MYH11: variants seen among roughly 807,000 people sequenced by gnomAD.
The protein encoded by MYH11 is myosin-11.
MYH11 carries 80 observed loss-of-function variants against 246.6 expected under a neutral mutation model. The ratio of observed to expected loss-of-function variants is 0.32; its 90% confidence interval spans 0.27 to 0.39. The LOEUF is 0.39. MYH11 is among the 10% of genes least tolerant of loss of function. The pLI, the probability that MYH11 is intolerant of heterozygous loss-of-function variation, is 1.00. For synonymous variants in MYH11, 1,071 were observed against 1,015.5 expected (o/e 1.05, Z -1.04); for missense variants, 2,158 against 2,546.8 (o/e 0.85, Z 3.29).
chr16:15,754,751 A>G (rs776457586), intron 14 of MYH11, among the ~76,000 whole-genome samples: 4 of 152,202 alleles, frequency 2.6e-5, no homozygotes, highest in Non-Finnish European at 4.4e-5. Flanking sequence ...GCAACCTCCA[A>G]CTTCCTGGGT....
intron 14 of MYH11, among the ~76,000 whole-genome samples, chr16:15,755,411 G>A (rs2041685250): frequency 6.6e-6 from 1 of 152,224 alleles, no homozygotes; most frequent in Non-Finnish European, 1.5e-5. Flanking sequence ...GAAGCCAGGT[G>A]TGGATGTATT....
intron 5 of MYH11, chr16:15,786,414 C>T (rs1411566555): frequency 4.0e-6 from 3 of 752,128 alleles, no homozygotes; most frequent in Non-Finnish European, 7.3e-6. Context: ...ACAAAACGGG[C>T]CCCCTTCTGG....
intron 2 of MYH11, among the ~76,000 whole-genome samples, chr16:15,825,452 G>A (rs1322723281): frequency 1.3e-5 from 2 of 151,842 alleles, no homozygotes; most frequent in African/African-American, 2.4e-5. Flanking sequence ...AGCTACTTGG[G>A]AGGCTGAGTC....
chr16:15,782,370 G>C lies in MYH11; in HGVS notation c.726+15C>G. ...CAAAGCTTTTCTGGAAAATCCATGT[G>C]GCTTTGCTACTTACGAATCGTGAGG... On this transcript the variant is annotated intron_variant, in intron 6 of 40. Transcript: ENST00000300036. The C allele has an allele frequency of 1.2e-6, 2 of 1,610,682 alleles. No homozygotes were observed. Among genetic ancestry groups the C allele is most frequent in the Non-Finnish European group, 1.7e-6 (2 of 1,176,924 alleles).
At chr16:15,850,472 C>T (rs148369192) in intron 1 of MYH11, among the ~76,000 whole-genome samples, 1 of 152,128 alleles carries the variant, frequency 6.6e-6, no homozygotes, top group Non-Finnish European at 1.5e-5. Context: ...TCAACAGCTT[C>T]CCTCAGGATT....
Position 15,717,200 on chromosome 16 carries a change from G to T in MYH11, c.5444C>A (p.Thr1815Asn). Residue 1815 changes from threonine (T) to asparagine (N), a missense_variant, in exon 38 of 41, where the codon ACC (threonine) becomes AAC (asparagine). Transcript: ENST00000300036. ...EGAVKSKFKS[T>N]IAALEAKIAQ... ...AATCTTGGCCTCCAGCGCCGCGATG[G>T]TGGACTTGAACTTGGACTTGACGGC... 6.2e-7 allele frequency: 1 copy of T among 1,614,206 alleles called. No individual in the cohort carries two copies.
At chr16:15,763,524 T>A (rs2041913253) in intron 10 of MYH11, among the ~76,000 whole-genome samples, 1 of 152,074 alleles carries the variant, frequency 6.6e-6, no homozygotes, top group Non-Finnish European at 1.5e-5. Flanking sequence ...CTCGTCTCTA[T>A]TAAAACTTGT....
chr16:15,717,313 G>T lies in MYH11; in HGVS notation c.5331C>A (p.Arg1777=). The change falls in exon 38 of 41, where the codon CGC becomes CGA. Residue 1777 remains arginine, a synonymous_variant. Coordinates refer to ENST00000300036, the MANE Select transcript of MYH11 (RefSeq NM_002474.3). Reference sequence around the variant, plus strand: ...CACTCTCATTCTTCTGGGCCGTGCTGCGCTCTGTGGCCAGCTCGTTGCTGA... The same window carrying T: ...CACTCTCATTCTTCTGGGCCGTGCTTCGCTCTGTGGCCAGCTCGTTGCTGA... ...EQLSNELATE[R]STAQKNESAR... is the part of the protein sequence containing the mutation. The T allele has an allele frequency of 6.2e-7, 1 of 1,611,334 alleles. No individual in the cohort carries two copies. The highest frequency in any genetic ancestry group is 1.1e-5 in the South Asian group (1 of 91,086).
chr16:15,717,854 C>T lies in MYH11; in HGVS notation c.5295+461G>A, dbSNP rs144062167. 1,777 of 264,696 alleles carry T rather than the reference C, an allele frequency of 6.7e-3. 14 individuals carry two copies. Among genetic ancestry groups the T allele is most frequent in the Non-Finnish European group, 7.6e-3 (1,037 of 136,444 alleles). 16.4% of individuals were successfully genotyped at this position (264,696 alleles called of 1,614,324 possible). On this transcript the variant is annotated intron_variant, in intron 37 of 40. Transcript: ENST00000300036. The stretch of plus-strand genomic sequence containing the variant: ...ACCCAGGCTGAGCGAGTGACTTGTC[C>T]CTTGCTTTCTCTGTCCTGGAGTCGC...
At chr16:15,711,665 G>A (rs1014754769) in intron 40 of MYH11, among the ~76,000 whole-genome samples, 1 of 152,094 alleles carries the variant, frequency 6.6e-6, no homozygotes, top group Non-Finnish European at 1.5e-5. Context: ...AGGGATAAAG[G>A]TTCACTCTGC....
At chr16:15,720,129 C>T (rs1381701807) in intron 34 of MYH11, 22 bp downstream of exon 34, 2 of 1,614,130 alleles carry the variant, frequency 1.2e-6, no homozygotes, top group South Asian at 2.2e-5. Flanking sequence ...CACCCATGCC[C>T]CAAGCTCCTA....
intron 34 of MYH11, 100 bp downstream of exon 34, chr16:15,720,051 G>A (rs1173335354): frequency 2.7e-6 from 4 of 1,500,030 alleles, no homozygotes; most frequent in Middle Eastern, 1.7e-4. Context: ...CCAATGGCAG[G>A]TGCAGGCTTG....
chr16:15,817,138 T>C (rs2043281361), intron 3 of MYH11, among the ~76,000 whole-genome samples: 1 of 152,188 alleles, frequency 6.6e-6, no homozygotes, highest in African/African-American at 2.4e-5. Flanking sequence ...GCTAAGGGTC[T>C]AATGCACAAG....
At chr16:15,787,034 G>A (rs2042486302) in intron 4 of MYH11, among the ~76,000 whole-genome samples, 2 of 152,166 alleles carry the variant, frequency 1.3e-5, no homozygotes, top group African/African-American at 4.8e-5. Flanking sequence ...CACTTGGGGA[G>A]GCTGAGGTGG....
intron 2 of MYH11, among the ~76,000 whole-genome samples, chr16:15,828,232 T>C (rs536826121): frequency 1.6e-4 from 25 of 152,358 alleles, no homozygotes; most frequent in African/African-American, 4.8e-4. Context: ...ATAGATGTGC[T>C]GCGAGATAAT....
At chr16:15,786,118 G>A (rs191090315) in intron 5 of MYH11, 30 of 305,412 alleles carry the variant, frequency 9.8e-5, no homozygotes, top group African/African-American at 4.8e-4. Context: ...CCCCTGGGAC[G>A]TTACAGAGAT....
chr16:15,821,078 C>A (rs1438984924), intron 3 of MYH11, among the ~76,000 whole-genome samples: 1 of 152,146 alleles, frequency 6.6e-6, no homozygotes, highest in Non-Finnish European at 1.5e-5. Flanking sequence ...CGCCATATTG[C>A]CCAGGCTGGT....
intron 5 of MYH11, chr16:15,782,824 C>A: frequency 3.0e-6 from 1 of 334,152 alleles, no homozygotes; most frequent in Non-Finnish European, 5.8e-6. Context: ...CGGAGTTGTG[C>A]AGTGCACCAC....
At chr16:15,766,946 C>A (rs528949367) in intron 9 of MYH11, among the ~76,000 whole-genome samples, 16 of 152,318 alleles carry the variant, frequency 1.1e-4, no homozygotes, top group African/African-American at 3.6e-4. Flanking sequence ...ACGCGCTCTG[C>A]AGTTAGAGAG....
Sources: gnomAD v4.1 joint callset for allele counts (sites outside exome capture counted in the v4.1 genomes callset) on GRCh38, gnomAD v4.1.1 for gene constraint, MANE v1.5 for transcripts, NCBI Gene and HGNC (gene_info 2026-07-23, HGNC 2026-07-21) for gene names.